The following FAM184B variants were observed in gnomAD, a reference collection of about 807,000 sequenced individuals.
FAM184B encodes family with sequence similarity 184 member B, also known as protein FAM184B.
A neutral mutation model predicts 135.9 loss-of-function variants in FAM184B; 111 were observed. The observed-to-expected ratio is 0.82, with a 90% confidence interval of 0.70 to 0.96. The LOEUF (loss-of-function observed/expected upper bound fraction) is 0.96. FAM184B is among the 40% of genes least tolerant of loss of function. FAM184B has a pLI of 0.00. For missense variants in FAM184B, 1,375 were observed against 1,323.9 expected (o/e 1.04, Z -0.60); for synonymous variants, 552 against 524.8 (o/e 1.05, Z -0.71).
Position 17,635,073 on chromosome 4 carries a change from A to G in FAM184B, c.2825T>C (p.Met942Thr), listed in dbSNP as rs905502745. 5 of 1,551,870 alleles carry G rather than the reference A, an allele frequency of 3.2e-6. No individual in the cohort carries two copies. Among genetic ancestry groups the G allele is most frequent in the Non-Finnish European group, 2.6e-6 (3 of 1,147,000 alleles). The change falls in exon 16 of 18, where the codon ATG becomes ACG. Residue 942 changes from methionine (M) to threonine (T), a missense_variant. Met to Thr is a moderately conservative substitution (Grantham distance 81). Transcript: ENST00000265018. Reference protein sequence around the residue: ...RFHYAAFPSAMSHRNRSFSFN... With the variant: ...RFHYAAFPSATSHRNRSFSFN... Reference sequence around the variant, plus strand: ...AGAGAAAGACCGATTCCGGTGGGACATGGCACTGGGGAATGCTGCGTAGTG... The same window carrying G: ...AGAGAAAGACCGATTCCGGTGGGACGTGGCACTGGGGAATGCTGCGTAGTG...
chr4:17,680,308 T>C (rs1003242668), intron 7 of FAM184B, among the ~76,000 whole-genome samples: 1 of 152,216 alleles, frequency 6.6e-6, no homozygotes, highest in Non-Finnish European at 1.5e-5. Context: ...GTTTTGTTTG[T>C]TTTTGAGCCT....
rs1171892302 is a variant in FAM184B, at chr4:17,642,044, C to T, written c.2519+12G>A. ...AGGGTGGCGCGGTGGCGGGGCGCGC[C>T]GGGTCACCCACCTGCGCTGGTCTCG... On this transcript the variant is annotated intron_variant, in intron 13 of 17. Transcript: ENST00000265018. 7 of 1,520,812 alleles carry T rather than the reference C, an allele frequency of 4.6e-6. No homozygotes were observed. Among genetic ancestry groups the T allele is most frequent in the South Asian group, 1.2e-5 (1 of 83,084 alleles). The allele number at this position is 1,520,812 out of a possible 1,614,324, so 94.2% of individuals were successfully genotyped here.
At chr4:17,769,151 AAC>A (rs139971769) in intron 1 of FAM184B, among the ~76,000 whole-genome samples, 4,271 of 152,312 alleles carry the variant, frequency 0.028, 169 homozygotes, top group African/African-American at 0.087. Context: ...ATCTCCATAC[AAC>A]AGAATACTAA....
chr4:17,684,070 G>GAAT (rs1410059832), intron 7 of FAM184B, among the ~76,000 whole-genome samples: 18 of 82,594 alleles, frequency 2.2e-4, no homozygotes, highest in Admixed American at 6.3e-4. Flanking sequence ...CCAGTCTCAA[G>GAAT]AATAATAATA....
intron 1 of FAM184B, among the ~76,000 whole-genome samples, chr4:17,780,691 G>A (rs530399891): frequency 6.6e-6 from 1 of 152,214 alleles, no homozygotes; most frequent in East Asian, 1.9e-4. Flanking sequence ...CTGCATTCCA[G>A]GTTTAGTACG....
chr4:17,716,605 A>G (rs1717405249), intron 1 of FAM184B, among the ~76,000 whole-genome samples: 1 of 151,816 alleles, frequency 6.6e-6, no homozygotes, highest in African/African-American at 2.4e-5. Flanking sequence ...CTCAGCCTCC[A>G]AGAGTGCTGG....
At position 17,692,357 on chromosome 4, in the gene FAM184B, G is replaced by C. The variant is rs187435269; in HGVS notation, c.1488+945C>G. ...AACTTTTCACCAAGACCCACCTCTA[G>C]ACCCTGAAATATCAACTCTAAGGAA... On this transcript the variant is annotated intron_variant, in intron 6 of 17. Transcript: ENST00000265018. 3.8e-3 allele frequency among the ~76,000 whole-genome samples: 582 copies of C among 152,278 alleles called. 4 individuals are homozygous for C. Among genetic ancestry groups the C allele is most frequent in the South Asian group, 3.9e-3 (19 of 4,814 alleles).
intron 1 of FAM184B, among the ~76,000 whole-genome samples, chr4:17,731,908 A>G (rs1221404387): frequency 6.6e-6 from 1 of 152,152 alleles, no homozygotes; most frequent in Non-Finnish European, 1.5e-5. Flanking sequence ...CACCACACCT[A>G]TTCCAAAACT....
At chr4:17,757,387 T>A (rs1448169161) in intron 1 of FAM184B, among the ~76,000 whole-genome samples, 1 of 152,178 alleles carries the variant, frequency 6.6e-6, no homozygotes, top group Non-Finnish European at 1.5e-5. Context: ...ACTGTAAAAC[T>A]TTTATGAGAC....
At chr4:17,723,178 C>T (rs562477865) in intron 1 of FAM184B, among the ~76,000 whole-genome samples, 11 of 152,298 alleles carry the variant, frequency 7.2e-5, no homozygotes, top group South Asian at 2.1e-4. Flanking sequence ...AGGTAAACCC[C>T]GCAGCATGAT....
At chr4:17,734,148 A>G (rs1413894578) in intron 1 of FAM184B, among the ~76,000 whole-genome samples, 5 of 152,216 alleles carry the variant, frequency 3.3e-5, no homozygotes, top group Non-Finnish European at 7.3e-5. Flanking sequence ...CTGAAACTGG[A>G]TCCCTTCCTT....
intron 1 of FAM184B, among the ~76,000 whole-genome samples, chr4:17,717,017 G>A (rs775435593): frequency 6.6e-6 from 1 of 151,922 alleles, no homozygotes; most frequent in East Asian, 1.9e-4. Context: ...CACCATGTTG[G>A]CCAGGCTGGT....
At position 17,781,324 on chromosome 4, in the gene FAM184B, A is replaced by C; in HGVS notation, c.-25T>G. The C allele has an allele frequency of 5.3e-6, 8 of 1,504,294 alleles. No homozygotes were observed. The highest frequency in any genetic ancestry group is 4.5e-6 in the Non-Finnish European group (5 of 1,119,366). The allele number at this position is 1,504,294 out of a possible 1,614,324, so 93.2% of individuals were successfully genotyped here. On this transcript the variant is annotated 5_prime_UTR_variant, in exon 1 of 18. Transcript: ENST00000265018. The surrounding 1 kb of genome is among the most constrained non-coding windows in gnomAD (Gnocchi z 6.5). Reference sequence around the variant, plus strand: ...TCGCTAAAACGCGCCCAGCACTCAGACTCTCTCGTTTTCTCCCTGCCCACC... The same window carrying C: ...TCGCTAAAACGCGCCCAGCACTCAGCCTCTCTCGTTTTCTCCCTGCCCACC...
chr4:17,650,134 C>T (rs2872957), intron 11 of FAM184B, among the ~76,000 whole-genome samples: 27 of 150,770 alleles, frequency 1.8e-4, no homozygotes, highest in Admixed American at 5.9e-4. Context: ...TTTTCTGTCC[C>T]TCCACCTGTC....
chr4:17,708,893 T>C lies in FAM184B; in HGVS notation c.893A>G (p.Gln298Arg), dbSNP rs1458587348. The change falls in exon 2 of 18, where the codon CAG (glutamine) becomes CGG (arginine). Residue 298 changes from glutamine to arginine, a missense_variant and splice_region_variant. Gln to Arg is a conservative substitution (Grantham distance 43). Transcript: ENST00000265018. ...TTGTAAGAAGAGATGCTGCTTTACC[T>C]GAATCCTCTCCTTCAGCTTCTGGGC... ...KYAQKLKERI[Q>R]DLDVQLKEAR... is the part of the protein sequence containing the mutation. 6.6e-7 allele frequency: 1 copy of C among 1,504,112 alleles called. No individual in the cohort carries two copies. The highest frequency in any genetic ancestry group is 8.9e-7 in the Non-Finnish European group (1 of 1,124,072). The allele number at this position is 1,504,112 out of a possible 1,614,324, so 93.2% of individuals were successfully genotyped here.
At chr4:17,744,535 A>T (rs1351711848) in intron 1 of FAM184B, among the ~76,000 whole-genome samples, 2 of 150,166 alleles carry the variant, frequency 1.3e-5, no homozygotes, top group Non-Finnish European at 3.0e-5. Flanking sequence ...TTCACCTCTC[A>T]TCTCTGCTGG....
Position 17,642,129 on chromosome 4 carries a change from C to A in FAM184B, c.2446G>T (p.Asp816Tyr). ...TCCGCGCGCAGCCGCCGCACCGCGT[C>A]CTGGAGCTGCGCGTTCTCCTCCCAG... ...GLWEENAQLQ[D>Y]AVRRLRAEVE... Residue 816 changes from aspartate (D) to tyrosine (Y), a missense_variant, in exon 13 of 18, where the codon GAC becomes TAC. Coordinates refer to ENST00000265018, the MANE Select transcript of FAM184B (RefSeq NM_015688.2). 1.3e-6 allele frequency: 2 copies of A among 1,533,524 alleles called. No individual in the cohort carries two copies. The highest frequency in any genetic ancestry group is 2.4e-5 in the South Asian group (2 of 83,902). 95.0% of individuals were successfully genotyped at this position (1,533,524 alleles called of 1,614,324 possible). A position where few individuals can be genotyped will look rare whatever the true frequency, so the allele number is the denominator to read the frequency against.
intron 9 of FAM184B, among the ~76,000 whole-genome samples, chr4:17,659,214 T>TCC (rs1475602400): frequency 2.0e-5 from 3 of 150,738 alleles, no homozygotes; most frequent in African/African-American, 7.3e-5. Flanking sequence ...CAAGCGACCC[T>TCC]CCCGCCTCAG....
At chr4:17,678,867 TA>T (rs1316312107) in intron 7 of FAM184B, among the ~76,000 whole-genome samples, 3 of 152,046 alleles carry the variant, frequency 2.0e-5, no homozygotes, top group African/African-American at 7.2e-5. Context: ...AATCCAGAAT[TA>T]AAGCCAAATA....
Sources: allele counts gnomAD v4.1 joint callset (sites outside exome capture counted in the v4.1 genomes callset), GRCh38; gene constraint gnomAD v4.1.1; non-coding constraint Gnocchi (gnomAD v3.1); transcripts MANE v1.5; gene names NCBI Gene and HGNC (gene_info 2026-07-23, HGNC 2026-07-21).